Variants in FGF13 observed in about 807,000 individuals in gnomAD.
FGF13 encodes the protein fibroblast growth factor 13.
Under a neutral mutation model 19.5 loss-of-function variants are expected in FGF13, and 2 were observed. The ratio of observed to expected loss-of-function variants is 0.10; its 90% CI spans 0.04 to 0.32. The LOEUF is 0.32. Ranked by LOEUF, FGF13 falls within the 10% of genes least tolerant of loss-of-function variation. FGF13 has a pLI of 1.00. For synonymous variants in FGF13, 72 were observed against 76.9 expected, an observed-to-expected ratio of 0.94 and a Z score of 0.33; for missense variants, 113 against 192.7, an observed-to-expected ratio of 0.59 and a Z score of 2.45.
chrX:138,717,394 T>G (rs148296565), intron 1 of FGF13, among the ~76,000 whole-genome samples: 3 of 112,050 alleles, frequency 2.7e-5, no homozygotes, highest in Non-Finnish European at 3.8e-5. Context: ...AAACCTTTTA[T>G]GAATACAACA....
At chrX:138,814,313 C>T (rs1037975945) in intron 3 of FGF13, among the ~76,000 whole-genome samples, 6 of 110,324 alleles carry the variant, frequency 5.4e-5, no homozygotes, top group African/African-American at 2.0e-4. Context: ...CCCTACTAGA[C>T]AGTAAAACAT....
rs1346166488 is a variant in FGF13, at chrX:138,717,237, G to A, written c.29-8309C>T. Among the ~76,000 whole-genome samples the A allele has an allele frequency of 6.3e-5, 7 of 111,582 alleles. 1 individual carries two copies. The highest frequency in any genetic ancestry group is 9.8e-5 in the African/African-American group (3 of 30,738). ...GAGAGAAATAGCAGCTTTCTGGGGC[G>A]GAGGTTTCTCCCTTAATCTTGAGGA... On this transcript the variant is annotated intron_variant, in intron 1 of 4. Transcript: ENST00000305414.
chrX:139,167,538 T>C (rs1231234554), intron 1 of FGF13, among the ~76,000 whole-genome samples: 1 of 111,866 alleles, frequency 8.9e-6, no homozygotes, highest in African/African-American at 3.2e-5. Context: ...AATAACATTG[T>C]GCCAGATGAG....
In FGF13 at chrX:138,889,047, A is replaced by G. The variant is rs760819698; in HGVS notation, c.-112-24397T>C. On this transcript the variant is annotated intron_variant, in intron 1 of 2. Transcript: ENST00000421460. ...TCAGCACTGTCAGACACAGAGCCCC[A>G]GGAATAGGAGTGGGAACAGAAAGAC... 5.4e-5 allele frequency among the ~76,000 whole-genome samples: 6 copies of G among 112,115 alleles called. No individual in the cohort carries two copies. In the Admixed American group the frequency reaches 5.7e-4, roughly 11 times the overall value.
At position 138,984,588 on chromosome X, in the gene FGF13, A is replaced by AAGAAGAAGAAGAAGAAGGAGG. The variant is rs2091982501; in HGVS notation, c.-112-119939_-112-119938insCCTCCTTCTTCTTCTTCTTCT. On this transcript the variant is annotated intron_variant, in intron 1 of 2. Coordinates refer to the FGF13 transcript ENST00000421460. ...GAAGAAGAAGAAGAAGAAGAAGAAG[A>AAGAAGAAGAAGAAGAAGGAGG]AGGAGGAGGAGGAGGAGGAGGAGGA... 1.0e-3 allele frequency among the ~76,000 whole-genome samples: 12 copies of AAGAAGAAGAAGAAGAAGGAGG among 11,511 alleles called. 1 individual carries two copies. Among genetic ancestry groups the AAGAAGAAGAAGAAGAAGGAGG allele is most frequent in the Non-Finnish European group, 1.9e-3 (10 of 5,294 alleles). 10.0% of individuals were successfully genotyped at this position (11,511 alleles called of 115,157 possible).
At chrX:139,163,852 A>C (rs1324913634) in intron 1 of FGF13, among the ~76,000 whole-genome samples, 3 of 111,581 alleles carry the variant, frequency 2.7e-5, no homozygotes, top group Non-Finnish European at 5.6e-5. Context: ...GATGCTGTGC[A>C]TTAGAGATCC....
intron 3 of FGF13, among the ~76,000 whole-genome samples, chrX:138,696,834 A>G (rs2089901069): frequency 8.9e-6 from 1 of 112,284 alleles, no homozygotes; most frequent in Non-Finnish European, 1.9e-5. Context: ...TTCCCTATTC[A>G]TCAGCAAAAG....
At chrX:139,131,906 C>T (rs983431214) in intron 1 of FGF13, among the ~76,000 whole-genome samples, 11 of 111,643 alleles carry the variant, frequency 9.9e-5, no homozygotes, top group Admixed American at 3.8e-4. Context: ...TTTAAGCTTG[C>T]ACGAGTTTTA....
In FGF13 at chrX:139,058,732, T is replaced by G. The variant is rs774341211; in HGVS notation, c.-113+144684A>C. On this transcript the variant is annotated intron_variant, in intron 1 of 2. Transcript: ENST00000421460. ...AAGTTACACATCAACAAATGTATTATAATAGTTGCAGGTTCCTGGAATGAA... is the reference window on the plus strand; with the variant it reads ...AAGTTACACATCAACAAATGTATTAGAATAGTTGCAGGTTCCTGGAATGAA... 5.4e-4 allele frequency among the ~76,000 whole-genome samples: 60 copies of G among 112,093 alleles called. 1 individual carries two copies. The South Asian group carries it at 0.022, about 40-fold the overall frequency.
chrX:138,965,771 G>A (rs943234661), intron 1 of FGF13, among the ~76,000 whole-genome samples: 7 of 111,890 alleles, frequency 6.3e-5, no homozygotes, highest in Admixed American at 5.6e-4. Context: ...TGGCCTGTGC[G>A]ACTACACAGG....
chrX:138,832,736 C>T (rs2091083187), intron 3 of FGF13, among the ~76,000 whole-genome samples: 1 of 112,108 alleles, frequency 8.9e-6, no homozygotes, highest in Non-Finnish European at 1.9e-5. Flanking sequence ...AATCTTTGCC[C>T]ATGCCTATAT....
intron 1 of FGF13, among the ~76,000 whole-genome samples, chrX:138,947,912 G>A (rs113217569): frequency 1.6e-3 from 173 of 111,341 alleles, no homozygotes; most frequent in African/African-American, 5.5e-3. Context: ...TTTGGAAACA[G>A]ATAAATATGT....
intron 3 of FGF13, among the ~76,000 whole-genome samples, chrX:138,778,474 C>T (rs943855433): frequency 9.8e-5 from 11 of 111,984 alleles, no homozygotes; most frequent in Admixed American, 3.8e-4. Flanking sequence ...GTGCGCGAGC[C>T]GAAGCAGGGC....
intron 1 of FGF13, among the ~76,000 whole-genome samples, chrX:138,870,862 T>A (rs981570800): frequency 7.1e-5 from 8 of 112,022 alleles, no homozygotes; most frequent in Non-Finnish European, 1.5e-4. Flanking sequence ...CAGCCAACAA[T>A]AAAGCAGAGA....
intron 1 of FGF13, among the ~76,000 whole-genome samples, chrX:138,868,432 G>C (rs113351244): frequency 1.0e-3 from 114 of 110,722 alleles, no homozygotes; most frequent in African/African-American, 3.5e-3. Context: ...ATATGTCTTT[G>C]ACATTAGTAA....
At chrX:139,155,190 G>C (rs1260805743) in intron 1 of FGF13, among the ~76,000 whole-genome samples, 1 of 112,135 alleles carries the variant, frequency 8.9e-6, no homozygotes, top group Non-Finnish European at 1.9e-5. Context: ...AACTAGGTGT[G>C]CATATTTAGT....
At chrX:138,947,273 C>T (rs1484599000) in intron 1 of FGF13, among the ~76,000 whole-genome samples, 3 of 110,705 alleles carry the variant, frequency 2.7e-5, no homozygotes, top group African/African-American at 9.9e-5. Context: ...ATTTTAATGT[C>T]ACAGCTTAAA....
intron 3 of FGF13, among the ~76,000 whole-genome samples, chrX:138,847,282 T>A (rs2091189317): frequency 9.0e-6 from 1 of 111,681 alleles, no homozygotes; most frequent in African/African-American, 3.3e-5. Context: ...GTAGCAACCC[T>A]ATCTGACAGG....
intron 4 of FGF13, among the ~76,000 whole-genome samples, chrX:138,634,699 ATACCACCT>A (rs1336870769): frequency 8.9e-6 from 1 of 112,605 alleles, no homozygotes; most frequent in East Asian, 2.8e-4. Context: ...CCACAATGAG[ATACCACCT>A]TACTGCTGCA....
Sources: gnomAD v4.1 joint callset for allele counts (sites outside exome capture counted in the v4.1 genomes callset) on GRCh38, gnomAD v4.1.1 for gene constraint, MANE v1.5 for transcripts, NCBI Gene and HGNC (gene_info 2026-07-23, HGNC 2026-07-21) for gene names.